ATP6V1C1: variants seen among roughly 807,000 people sequenced by gnomAD.
ATP6V1C1 encodes ATPase H+ transporting V1 subunit C1.
In ATP6V1C1, 45 loss-of-function variants were observed where a neutral mutation model predicts 53.9. That is an observed-to-expected ratio of 0.83 (90% confidence interval 0.66 to 1.07). The LOEUF is 1.07. Among genes scored for constraint, ATP6V1C1 ranks in the 50% least tolerant of loss-of-function variants. The pLI is 0.00. For synonymous variants in ATP6V1C1, 153 were observed against 155.2 expected (o/e 0.99, Z 0.11); for missense variants, 315 against 440.3 (o/e 0.72, Z 2.55).
At chr8:103,067,396 CAAAAAAAAAA>C (rs751801442) in intron 12 of ATP6V1C1, among the ~76,000 whole-genome samples, 11 of 71,952 alleles carry the variant, frequency 1.5e-4, no homozygotes, top group Admixed American at 8.3e-4. Context: ...GACTCCGTCC[CAAAAAAAAAA>C]AAAAAAAAAA....
At chr8:103,066,503 T>A in intron 12 of ATP6V1C1, 56 bp downstream of exon 12, 1 of 1,476,732 alleles carries the variant, frequency 6.8e-7, no homozygotes, top group Non-Finnish European at 9.0e-7. Context: ...AGAAAAAAAA[T>A]GATTGAAAGA....
At chr8:103,062,164 T>TG (rs1817411255) in intron 8 of ATP6V1C1, among the ~76,000 whole-genome samples, 2 of 99,324 alleles carry the variant, frequency 2.0e-5, no homozygotes, top group African/African-American at 7.3e-5. Context: ...CATCAGGGTT[T>TG]TTTTTTTTTT....
At position 103,040,947 on chromosome 8, in the gene ATP6V1C1, G is replaced by A; in HGVS notation, c.111G>A (p.Lys37=). ...SKNNNLAVTS[K]FNIPDLKVGT... ...ACAATAATCTTGCTGTCACTTCCAA[G>A]TTCAATATTCCTGACTTAAAGGTGA... Residue 37 remains lysine (K), a synonymous_variant, in exon 2 of 13, where the codon AAG becomes AAA. Coordinates refer to ENST00000518738, the MANE Select transcript of ATP6V1C1 (RefSeq NM_001695.5). 1 of 1,613,958 alleles carries A rather than the reference G, an allele frequency of 6.2e-7. No homozygotes were observed. The highest frequency in any genetic ancestry group is 8.5e-7 in the Non-Finnish European group (1 of 1,179,940).
chr8:103,028,729 C>T (rs1018186788), intron 1 of ATP6V1C1, among the ~76,000 whole-genome samples: 17 of 152,324 alleles, frequency 1.1e-4, no homozygotes, highest in African/African-American at 3.1e-4. Flanking sequence ...ATATCCTCAG[C>T]GCAGTGCTCT....
chr8:103,060,406 T>G (rs898518685), intron 8 of ATP6V1C1, among the ~76,000 whole-genome samples: 1 of 152,238 alleles, frequency 6.6e-6, no homozygotes, highest in Admixed American at 6.5e-5. Flanking sequence ...TATCACCACT[T>G]TGGTGAAACT....
intron 1 of ATP6V1C1, among the ~76,000 whole-genome samples, chr8:103,032,738 A>G (rs937616532): frequency 2.0e-5 from 3 of 152,186 alleles, no homozygotes; most frequent in South Asian, 2.1e-4. Context: ...TCAGCCTCCC[A>G]AAGTGTTGGG....
intron 4 of ATP6V1C1, 61 bp downstream of exon 4, chr8:103,049,016 G>A: frequency 6.9e-7 from 1 of 1,456,642 alleles, no homozygotes; most frequent in Admixed American, 1.9e-5. Flanking sequence ...CTAAGCTACA[G>A]AAACAAAAAG....
At chr8:103,038,482 C>A (rs1586313005) in intron 1 of ATP6V1C1, among the ~76,000 whole-genome samples, 1 of 152,186 alleles carries the variant, frequency 6.6e-6, no homozygotes, top group Non-Finnish European at 1.5e-5. Context: ...AAGACATATC[C>A]TGTAATTCAG....
At chr8:103,056,469 A>G (rs1315654448) in intron 8 of ATP6V1C1, among the ~76,000 whole-genome samples, 2 of 152,230 alleles carry the variant, frequency 1.3e-5, no homozygotes, top group African/African-American at 4.8e-5. Flanking sequence ...TTAAATTTAT[A>G]GATTTAACAT....
At position 103,056,028 on chromosome 8, in the gene ATP6V1C1, T is replaced by G. The variant is rs992806076; in HGVS notation, c.641+92T>G. On this transcript the variant is annotated intron_variant, in intron 8 of 12. Transcript: ENST00000518738. ...AGGAAATATGTTTGCTGTCTTGCCT[T>G]TGTGATAAATTAACCTCATGAGTGA... 25 of 1,247,460 alleles carry G rather than the reference T, an allele frequency of 2.0e-5. No individual in the cohort carries two copies. The South Asian group carries it at 3.2e-4, about 16-fold the overall frequency. 77.3% of individuals were successfully genotyped at this position (1,247,460 alleles called of 1,614,324 possible).
chr8:103,026,247 C>A (rs896257280), intron 1 of ATP6V1C1, among the ~76,000 whole-genome samples: 4 of 152,208 alleles, frequency 2.6e-5, no homozygotes, highest in Admixed American at 6.5e-5. Flanking sequence ...ACATCCCCAG[C>A]CCCCACTCCA....
At chr8:103,038,978 A>T (rs1025203596) in intron 1 of ATP6V1C1, among the ~76,000 whole-genome samples, 2 of 152,206 alleles carry the variant, frequency 1.3e-5, no homozygotes, top group Non-Finnish European at 2.9e-5. Context: ...TAGCTCTTTC[A>T]TTTGAGAAGG....
intron 1 of ATP6V1C1, among the ~76,000 whole-genome samples, chr8:103,026,698 G>A (rs759302804): frequency 4.6e-5 from 7 of 151,962 alleles, no homozygotes; most frequent in South Asian, 2.1e-4. Flanking sequence ...CTATAATCCC[G>A]GCTACTCAGG....
intron 4 of ATP6V1C1, among the ~76,000 whole-genome samples, chr8:103,049,908 G>A (rs1465530746): frequency 6.6e-6 from 1 of 152,050 alleles, no homozygotes; most frequent in Non-Finnish European, 1.5e-5. Context: ...AGTGAGCTAC[G>A]ATTGTACCAC....
intron 8 of ATP6V1C1, among the ~76,000 whole-genome samples, chr8:103,058,055 G>A (rs1188015815): frequency 2.0e-5 from 3 of 152,170 alleles, no homozygotes; most frequent in Non-Finnish European, 2.9e-5. Flanking sequence ...ATGGACATAC[G>A]CCAACCCAGA....
At position 103,054,988 on chromosome 8, in the gene ATP6V1C1, T is replaced by C. The variant is rs7012211; in HGVS notation, c.573-880T>C. ...CTTTATTGCAGTATGCTAGAAAAAA[T>C]TTTGGATTTTTCTTTGCACAGGGAG... On this transcript the variant is annotated intron_variant, in intron 7 of 12. Coordinates refer to ENST00000518738, the MANE Select transcript of ATP6V1C1 (RefSeq NM_001695.5). 2.2e-3 allele frequency among the ~76,000 whole-genome samples: 335 copies of C among 152,162 alleles called. 3 individuals are homozygous for C. The highest frequency in any genetic ancestry group is 7.5e-3 in the African/African-American group (313 of 41,522).
At chr8:103,023,479 G>T (rs1173597367) in intron 1 of ATP6V1C1, among the ~76,000 whole-genome samples, 7 of 152,132 alleles carry the variant, frequency 4.6e-5, no homozygotes, top group African/African-American at 1.7e-4. Context: ...GGGAAAGAAT[G>T]ATTCGATTCT....
chr8:103,033,792 A>G (rs1816840131), intron 1 of ATP6V1C1, among the ~76,000 whole-genome samples: 1 of 152,212 alleles, frequency 6.6e-6, no homozygotes, highest in Non-Finnish European at 1.5e-5. Context: ...TCTAACTACT[A>G]AGTGAGTTAA....
intron 1 of ATP6V1C1, among the ~76,000 whole-genome samples, chr8:103,022,940 C>T (rs1278845307): frequency 6.6e-6 from 1 of 152,116 alleles, no homozygotes; most frequent in Admixed American, 6.5e-5. Context: ...GTAGTCCTAG[C>T]TGCTCGGGAG....
Sources: gnomAD v4.1 joint callset for allele counts (sites outside exome capture counted in the v4.1 genomes callset) on GRCh38, gnomAD v4.1.1 for gene constraint, MANE v1.5 for transcripts, NCBI Gene and HGNC (gene_info 2026-07-23, HGNC 2026-07-21) for gene names.